The following EMB variants were observed in gnomAD, a reference collection of about 807,000 sequenced individuals.
The protein encoded by EMB is embigin homolog.
In EMB, 31 loss-of-function variants were observed where a neutral mutation model predicts 41.4. The ratio of observed to expected loss-of-function variants is 0.75; its 90% CI spans 0.56 to 1.01. The LOEUF is 1.01. EMB is among the 50% of genes least tolerant of loss of function. The probability of loss-of-function intolerance (pLI) is 0.00; values close to 1 mark genes in which losing one functional copy is unlikely to be tolerated. For synonymous variants in EMB, 137 were observed against 140.4 expected, an observed-to-expected ratio of 0.98 and a Z score of 0.17; for missense variants, 379 against 388.3, an observed-to-expected ratio of 0.98 and a Z score of 0.20.
chr5:50,410,592 A>C (rs1213199783), intron 4 of EMB, among the ~76,000 whole-genome samples: 8 of 152,110 alleles, frequency 5.3e-5, no homozygotes, highest in Non-Finnish European at 1.2e-4. Flanking sequence ...TAGAGAGATA[A>C]ATAAAGAAAT....
intron 1 of EMB, among the ~76,000 whole-genome samples, chr5:50,438,616 C>CA (rs1745844580): frequency 1.3e-5 from 2 of 152,078 alleles, no homozygotes; most frequent in African/African-American, 4.8e-5. Context: ...ACATCTAGGT[C>CA]AAAAATATCC....
At chr5:50,414,528 CAAAAAAAAA>C (rs34645448) in intron 2 of EMB, among the ~76,000 whole-genome samples, 1,272 of 46,750 alleles carry the variant, frequency 0.027, 29 homozygotes, top group African/African-American at 0.093. Flanking sequence ...CTGTCTCAGG[CAAAAAAAAA>C]AAAAAAAAAA....
At position 50,397,514 on chromosome 5, in the gene EMB, G is replaced by A. The variant is rs146325189; in HGVS notation, c.*1759C>T. 3.3e-5 allele frequency: 5 copies of A among 152,254 alleles called. No individual in the cohort carries two copies. Among genetic ancestry groups the A allele is most frequent in the Admixed American group, 6.5e-5 (1 of 15,268 alleles). The allele number at this position is 152,254 out of a possible 1,614,324, so 9.4% of individuals were successfully genotyped here. A position where few individuals can be genotyped will look rare whatever the true frequency, so the allele number is the denominator to read the frequency against. Reference sequence around the variant, plus strand: ...GTAAAATGGAAGAATGCATACTGCAGATGGGTTACACATTTGTTTGTGTTC... The same window carrying A: ...GTAAAATGGAAGAATGCATACTGCAAATGGGTTACACATTTGTTTGTGTTC... On this transcript the variant is annotated 3_prime_UTR_variant, in exon 9 of 9. Coordinates refer to ENST00000303221, the MANE Select transcript of EMB (RefSeq NM_198449.3).
chr5:50,401,033 A>C (rs1372439080), intron 7 of EMB, among the ~76,000 whole-genome samples: 1 of 152,018 alleles, frequency 6.6e-6, no homozygotes, highest in Non-Finnish European at 1.5e-5. Context: ...TGATGCTAAG[A>C]ACAAGAAAAA....
At chr5:50,402,916 G>GA in intron 6 of EMB, among the ~76,000 whole-genome samples, 1 of 147,474 alleles carries the variant, frequency 6.8e-6, no homozygotes, top group South Asian at 2.1e-4. Context: ...GGTGGTGGGG[G>GA]AAGAGAAAGA....
At chr5:50,409,043 C>T (rs186525451) in intron 4 of EMB, among the ~76,000 whole-genome samples, 1 of 152,130 alleles carries the variant, frequency 6.6e-6, no homozygotes, top group Admixed American at 6.6e-5. Flanking sequence ...TGCTTCAAGA[C>T]AACTAGAAAA....
chr5:50,411,469 T>C, intron 2 of EMB, 86 bp from the exon 3 acceptor site: 1 of 857,876 alleles, frequency 1.2e-6, no homozygotes. Context: ...AACAGCAGTG[T>C]TTCATTGACA....
Position 50,403,180 on chromosome 5 carries a change from G to A in EMB, c.875C>T (p.Ser292Leu). ...AAAACAAAAAAAAGAAATCCCACCTGAGTGCTTCTTTTTCTTTTGTGTGTA... is the reference window on the plus strand; with the variant it reads ...AAAACAAAAAAAAGAAATCCCACCTAAGTGCTTCTTTTTCTTTTGTGTGTA... ...EKYTQKKKKH[S>L]DEGKEFEQIE... Residue 292 changes from serine (S) to leucine (L), a missense_variant and splice_region_variant, in exon 6 of 9, where the codon TCA becomes TTA. Physicochemically the swap from Ser to Leu is moderately radical, Grantham distance 145. Coordinates refer to ENST00000303221, the MANE Select transcript of EMB (RefSeq NM_198449.3). 7 of 1,586,296 alleles carry A rather than the reference G, an allele frequency of 4.4e-6. No homozygotes were observed. The highest frequency in any genetic ancestry group is 6.0e-6 in the Non-Finnish European group (7 of 1,168,406).
intron 2 of EMB, among the ~76,000 whole-genome samples, chr5:50,420,028 G>A (rs1416548864): frequency 2.4e-5 from 3 of 125,074 alleles, no homozygotes; most frequent in African/African-American, 1.0e-4. Context: ...GGGGCTTGTC[G>A]ATGGAGGGCA....
chr5:50,417,786 A>G (rs1424651531), intron 2 of EMB, among the ~76,000 whole-genome samples: 2 of 152,228 alleles, frequency 1.3e-5, no homozygotes. Flanking sequence ...GACATCCTCA[A>G]AAGAAAGAGA....
intron 4 of EMB, among the ~76,000 whole-genome samples, chr5:50,407,141 T>A (rs1258143690): frequency 8.5e-5 from 13 of 152,132 alleles, no homozygotes; most frequent in Middle Eastern, 3.4e-3. Flanking sequence ...ATCCTATTTC[T>A]CAATCTCTAC....
At chr5:50,403,532 A>G in intron 5 of EMB, 78 bp from the exon 6 acceptor site, 1 of 1,471,654 alleles carries the variant, frequency 6.8e-7, no homozygotes, top group African/African-American at 1.4e-5. Flanking sequence ...AGTGAAAGCT[A>G]TAAGATAATG....
rs187863250 is a variant in EMB, at chr5:50,408,592, T to C, written c.472+2285A>G. ...AAGACTCAGGCTCATGCACTATAGG[T>C]GGCTCATGTAGTCAATGGCAGAAAA... On this transcript the variant is annotated intron_variant, in intron 4 of 8. Coordinates refer to ENST00000303221, the MANE Select transcript of EMB (RefSeq NM_198449.3). Among the ~76,000 whole-genome samples the C allele has an allele frequency of 6.4e-3, 969 of 152,184 alleles. 6 individuals carry two copies. Among genetic ancestry groups the C allele is most frequent in the South Asian group, 0.013 (61 of 4,826 alleles).
intron 2 of EMB, among the ~76,000 whole-genome samples, chr5:50,419,629 T>C (rs7709512): frequency 0.11 from 16,948 of 151,398 alleles, 1,038 homozygotes; most frequent in Middle Eastern, 0.16. Flanking sequence ...CTGGAGAGGG[T>C]GTGGAAAGCA....
chr5:50,403,014 G>A (rs1230350654), intron 6 of EMB, among the ~76,000 whole-genome samples, 164 bp downstream of exon 6: 1 of 150,674 alleles, frequency 6.6e-6, no homozygotes, highest in Non-Finnish European at 1.5e-5. Flanking sequence ...CACCATTGTT[G>A]TAAACCTAAA....
chr5:50,408,634 A>T (rs1745285061), intron 4 of EMB, among the ~76,000 whole-genome samples: 1 of 152,078 alleles, frequency 6.6e-6, no homozygotes, highest in Non-Finnish European at 1.5e-5. Context: ...CTTTGGTTCA[A>T]TTTAAAATAG....
chr5:50,412,385 A>G (rs1198040800), intron 2 of EMB, among the ~76,000 whole-genome samples: 2 of 152,084 alleles, frequency 1.3e-5, no homozygotes, highest in African/African-American at 4.8e-5. Flanking sequence ...GAGCCTTTCA[A>G]AGGAACTCCA....
At chr5:50,414,892 T>G (rs1296281472) in intron 2 of EMB, among the ~76,000 whole-genome samples, 2 of 152,184 alleles carry the variant, frequency 1.3e-5, no homozygotes, top group African/African-American at 2.4e-5. Flanking sequence ...TTGGTGCCCA[T>G]CAGGATTTTG....
upstream of EMB, among the ~76,000 whole-genome samples, chr5:50,441,960 CT>C (rs1255702615): frequency 6.6e-6 from 1 of 152,100 alleles, no homozygotes; most frequent in East Asian, 1.9e-4. Flanking sequence ...TAAGATAATG[CT>C]CTTACCCACA....
Sources: gnomAD v4.1 joint callset for allele counts (sites outside exome capture counted in the v4.1 genomes callset) on GRCh38, gnomAD v4.1.1 for gene constraint, MANE v1.5 for transcripts, NCBI Gene and HGNC (gene_info 2026-07-23, HGNC 2026-07-21) for gene names.